The following EPB41L5 variants were observed in gnomAD, a reference collection of about 807,000 sequenced individuals.
EPB41L5 encodes band 4.1-like protein 5.
A neutral mutation model predicts 106.6 loss-of-function variants in EPB41L5; 55 were observed. The ratio of observed to expected loss-of-function variants is 0.52; its 90% CI spans 0.42 to 0.65. The LOEUF (loss-of-function observed/expected upper bound fraction) is 0.65, where lower values mean the gene tolerates loss of function less well. EPB41L5 is among the 30% of genes least tolerant of loss of function. The pLI, the probability that EPB41L5 is intolerant of heterozygous loss-of-function variation, is 0.00. For synonymous variants in EPB41L5, 297 were observed against 306.7 expected, an observed-to-expected ratio of 0.97 and a Z score of 0.33; for missense variants, 871 against 882.1, an observed-to-expected ratio of 0.99 and a Z score of 0.16.
chr2:120,013,907 T>G (rs545377425), intron 1 of EPB41L5, among the ~76,000 whole-genome samples: 42 of 152,358 alleles, frequency 2.8e-4, no homozygotes, highest in Admixed American at 8.5e-4. Flanking sequence ...CCGTGTACAT[T>G]TGTAATGTAA....
At chr2:120,130,255 G>T (rs1395732735) in intron 17 of EPB41L5, among the ~76,000 whole-genome samples, 1 of 151,998 alleles carries the variant, frequency 6.6e-6, no homozygotes, top group African/African-American at 2.4e-5. Flanking sequence ...TTCTTGCATA[G>T]TGTGGGAGTT....
At chr2:120,091,736 G>C in intron 13 of EPB41L5, 75 bp downstream of exon 13, 1 of 1,164,908 alleles carries the variant, frequency 8.6e-7, no homozygotes, top group African/African-American at 1.5e-5. Flanking sequence ...TTCCATAAGA[G>C]GAAGTTACCT....
intron 3 of EPB41L5, among the ~76,000 whole-genome samples, chr2:120,048,289 T>G (rs1163166346): frequency 6.6e-6 from 1 of 152,194 alleles, no homozygotes; most frequent in Non-Finnish European, 1.5e-5. Flanking sequence ...CGTCTGGTCC[T>G]GGGCTTTTTT....
Position 120,176,660 on chromosome 2 carries a change from A to C in EPB41L5, c.*1753A>C, listed in dbSNP as rs531949267. 6.6e-6 allele frequency: 1 copy of C among 152,310 alleles called. No individual in the cohort carries two copies. Among genetic ancestry groups the C allele is most frequent in the East Asian group, 1.9e-4 (1 of 5,176 alleles). The allele number at this position is 152,310 out of a possible 1,614,324, so 9.4% of individuals were successfully genotyped here. On this transcript the variant is annotated 3_prime_UTR_variant, in exon 25 of 25. Coordinates refer to ENST00000263713, the MANE Select transcript of EPB41L5 (RefSeq NM_020909.4). The stretch of plus-strand genomic sequence containing the variant: ...TCTTAATTATAGGACATATTTTCTC[A>C]AAGCTGAAGGTGACACCTAGAACCA...
At chr2:120,135,316 A>C (rs1685875952) in intron 18 of EPB41L5, among the ~76,000 whole-genome samples, 1 of 152,128 alleles carries the variant, frequency 6.6e-6, no homozygotes, top group Non-Finnish European at 1.5e-5. Context: ...CTTCAAAAGG[A>C]CAAATCGAAG....
intron 18 of EPB41L5, among the ~76,000 whole-genome samples, chr2:120,136,143 T>A (rs944252397): frequency 2.0e-5 from 3 of 150,610 alleles, no homozygotes; most frequent in Non-Finnish European, 4.4e-5. Context: ...GTTTTCTCTT[T>A]GCTTGTTAAT....
At chr2:120,078,318 A>C (rs533801303) in intron 9 of EPB41L5, among the ~76,000 whole-genome samples, 175 bp from the exon 10 acceptor site, 2 of 152,266 alleles carry the variant, frequency 1.3e-5, no homozygotes, top group African/African-American at 4.8e-5. Context: ...TATATGCATA[A>C]ATTTTTCTGA....
intron 10 of EPB41L5, among the ~76,000 whole-genome samples, chr2:120,084,819 C>T (rs1463116652): frequency 4.6e-5 from 7 of 152,080 alleles, no homozygotes; most frequent in Non-Finnish European, 8.8e-5. Flanking sequence ...AGGCTTTGTT[C>T]GTTCCTTTTT....
rs1024310854 is a variant in EPB41L5, at chr2:120,176,529, C to G, written c.*1622C>G. On this transcript the variant is annotated 3_prime_UTR_variant, in exon 25 of 25. Transcript: ENST00000263713. ...GTAGTGATTGGAACCCACGTTTGCA[C>G]AAAACATTTTTGCAGAAGGAAAGTC... is the stretch of plus-strand genomic sequence containing the variant. 6.6e-6 allele frequency: 1 copy of G among 152,220 alleles called. No homozygotes were observed. Among genetic ancestry groups the G allele is most frequent in the East Asian group, 1.9e-4 (1 of 5,192 alleles). The allele number at this position is 152,220 out of a possible 1,614,324, so 9.4% of individuals were successfully genotyped here.
chr2:120,079,352 C>G (rs1313845384), intron 10 of EPB41L5, among the ~76,000 whole-genome samples: 1 of 152,198 alleles, frequency 6.6e-6, no homozygotes, highest in African/African-American at 2.4e-5. Context: ...ATAAGGCAAG[C>G]TCTGTAGATT....
At position 120,077,197 on chromosome 2, in the gene EPB41L5, G is replaced by A. The variant is rs752203617; in HGVS notation, c.627-32G>A. The A allele has an allele frequency of 4.4e-6, 7 of 1,585,470 alleles. No homozygotes were observed. The East Asian group carries it at 1.3e-4, about 31-fold the overall frequency. On this transcript the variant is annotated intron_variant, in intron 8 of 24. Coordinates refer to ENST00000263713, the MANE Select transcript of EPB41L5 (RefSeq NM_020909.4). ...GTATAGAATTTATTTTATATTTATTGTTACTTTAAAAATCATTGTTTTAAA... is the reference window on the plus strand; with the variant it reads ...GTATAGAATTTATTTTATATTTATTATTACTTTAAAAATCATTGTTTTAAA...
intron 2 of EPB41L5, among the ~76,000 whole-genome samples, chr2:120,038,600 T>TA (rs1164428462): frequency 3.3e-5 from 5 of 151,976 alleles, no homozygotes; most frequent in African/African-American, 4.8e-5. Flanking sequence ...CTACTAAAAA[T>TA]ACAAAAATTA....
intron 3 of EPB41L5, among the ~76,000 whole-genome samples, chr2:120,051,587 C>T (rs572201548): frequency 3.0e-4 from 45 of 152,142 alleles, no homozygotes; most frequent in Non-Finnish European, 5.1e-4. Context: ...TTCCAGGTGC[C>T]GCCTGTCACA....
chr2:120,104,410 A>G (rs1684329464), intron 16 of EPB41L5: 1 of 1,386,842 alleles, frequency 7.2e-7, no homozygotes, highest in East Asian at 2.7e-5. Flanking sequence ...GGGACAAGGA[A>G]TCAAGGAAGC....
In EPB41L5 at chr2:120,077,036, C is replaced by T; in HGVS notation, c.571C>T (p.Pro191Ser). 1 of 1,612,600 alleles carries T rather than the reference C, an allele frequency of 6.2e-7. No homozygotes were observed. The highest frequency in any genetic ancestry group is 1.7e-5 in the Admixed American group (1 of 59,948). Reference sequence around the variant, plus strand: ...ACTTGTCTCAGAGTTCAGATTCGTGCCTATTCAGACTGAAGAGATGGAACT... The same window carrying T: ...ACTTGTCTCAGAGTTCAGATTCGTGTCTATTCAGACTGAAGAGATGGAACT... Reference protein sequence around the residue: ...PELVSEFRFVPIQTEEMELAI... With the variant: ...PELVSEFRFVSIQTEEMELAI... The change falls in exon 8 of 25, where the codon CCT (proline) becomes TCT (serine). Residue 191 changes from proline (P) to serine (S), a missense_variant. Coordinates refer to ENST00000263713, the MANE Select transcript of EPB41L5 (RefSeq NM_020909.4).
intron 20 of EPB41L5, among the ~76,000 whole-genome samples, chr2:120,148,767 A>G (rs1423363985): frequency 6.6e-6 from 1 of 152,174 alleles, no homozygotes; most frequent in Non-Finnish European, 1.5e-5. Flanking sequence ...GTTGATGGAC[A>G]TTTGAATTGT....
At chr2:120,171,629 G>C (rs1291737129) in intron 24 of EPB41L5, among the ~76,000 whole-genome samples, 1 of 152,188 alleles carries the variant, frequency 6.6e-6, no homozygotes, top group East Asian at 1.9e-4. Context: ...TGAAAAAGAG[G>C]CTTATTCTCT....
chr2:120,121,097 A>G (rs891286882), intron 16 of EPB41L5, among the ~76,000 whole-genome samples: 6 of 152,222 alleles, frequency 3.9e-5, no homozygotes, highest in African/African-American at 1.4e-4. Flanking sequence ...AGCCTGGGCA[A>G]TAAGAGCAAA....
chr2:120,047,591 A>G (rs1679885041), intron 3 of EPB41L5, among the ~76,000 whole-genome samples: 1 of 152,228 alleles, frequency 6.6e-6, no homozygotes, highest in African/African-American at 2.4e-5. Flanking sequence ...TAAATATACA[A>G]TCATGTCATC....
Sources: gnomAD v4.1 joint callset for allele counts (sites outside exome capture counted in the v4.1 genomes callset) on GRCh38, gnomAD v4.1.1 for gene constraint, MANE v1.5 for transcripts, NCBI Gene and HGNC (gene_info 2026-07-23, HGNC 2026-07-21) for gene names.